KCTD19: variants seen among roughly 807,000 people sequenced by gnomAD.
The protein encoded by KCTD19 is BTB/POZ domain-containing protein KCTD19.
In KCTD19, 67 loss-of-function variants were observed where a neutral mutation model predicts 103.5. That is an observed-to-expected ratio of 0.65 (90% CI 0.53 to 0.79). KCTD19 has a LOEUF of 0.79. KCTD19 is among the 30% of genes least tolerant of loss of function. The pLI, the probability that KCTD19 is intolerant of heterozygous loss-of-function variation, is 0.00. For missense variants in KCTD19, 980 were observed against 1,136.1 expected, an observed-to-expected ratio of 0.86 and a Z score of 1.98; for synonymous variants, 439 against 452.2, an observed-to-expected ratio of 0.97 and a Z score of 0.37.
At chr16:67,295,515 A>G in intron 8 of KCTD19, 110 bp from the exon 9 acceptor site, 2 of 1,036,096 alleles carry the variant, frequency 1.9e-6, no homozygotes, top group South Asian at 3.5e-5. Context: ...AGAGGCTTTG[A>G]GATTCCATTT....
At position 67,295,026 on chromosome 16, in the gene KCTD19, C is replaced by T. The variant is rs952786515; in HGVS notation, c.1422G>A (p.Glu474=). 1.2e-6 allele frequency: 2 copies of T among 1,613,946 alleles called. No homozygotes were observed. The highest frequency in any genetic ancestry group is 1.3e-5 in the African/African-American group (1 of 74,914). The change falls in exon 10 of 16, where the codon GAG becomes GAA. Residue 474 remains glutamate (E), a synonymous_variant. Transcript: ENST00000304372. ...CTGAGAGGGATGGAATGTGGTATTC[C>T]TCCACCTCCTGGCAGAAGAGGGGCC... The part of the protein sequence containing the change: ...KEWPLFCQEV[E]EYHIPSLSEA...
intron 2 of KCTD19, among the ~76,000 whole-genome samples, chr16:67,314,453 C>A (rs184394229): frequency 1.6e-4 from 25 of 152,208 alleles, no homozygotes; most frequent in Admixed American, 4.6e-4. Flanking sequence ...CTCACTCACC[C>A]ATCCTTCCTA....
rs764527426 is a variant in KCTD19, at chr16:67,291,479, A to G, written c.2411-16T>C. 2 of 1,611,750 alleles carry G rather than the reference A, an allele frequency of 1.2e-6. No individual in the cohort carries two copies. The highest frequency in any genetic ancestry group is 4.5e-5 in the East Asian group (2 of 44,894). ...AAAGTCACTTCTGTGGAGGAGGGAA[A>G]GTGGATGTGGCCACATCTGTCAATA... On this transcript the variant is annotated splice_polypyrimidine_tract_variant and intron_variant, in intron 13 of 15. Transcript: ENST00000304372.
chr16:67,302,057 C>G, intron 4 of KCTD19, 135 bp from the exon 5 acceptor site: 1 of 750,128 alleles, frequency 1.3e-6, no homozygotes, highest in African/African-American at 1.7e-5. Context: ...ATCAACATAC[C>G]TTATTAGATT....
At chr16:67,313,052 A>G (rs2036964958) in intron 2 of KCTD19, among the ~76,000 whole-genome samples, 1 of 152,150 alleles carries the variant, frequency 6.6e-6, no homozygotes, top group Admixed American at 6.5e-5. Context: ...TAGACAACAC[A>G]TAAACAAATG....
chr16:67,296,432 A>G (rs2036766008), intron 7 of KCTD19, among the ~76,000 whole-genome samples, 173 bp from the exon 8 acceptor site: 1 of 152,104 alleles, frequency 6.6e-6, no homozygotes, highest in Non-Finnish European at 1.5e-5. Context: ...TGCTTGCTGC[A>G]AGGTTTCCTG....
intron 2 of KCTD19, among the ~76,000 whole-genome samples, chr16:67,315,033 T>C (rs890681221): frequency 6.6e-6 from 1 of 151,986 alleles, no homozygotes; most frequent in Non-Finnish European, 1.5e-5. Context: ...ATTTCTTTTT[T>C]AATTTTTTGT....
At chr16:67,325,182 CT>C (rs1215763795) in intron 1 of KCTD19, among the ~76,000 whole-genome samples, 1 of 146,034 alleles carries the variant, frequency 6.8e-6, no homozygotes, top group Non-Finnish European at 1.5e-5. Context: ...TTCTTTCTTT[CT>C]TTTTTTTCTT....
chr16:67,298,720 G>A (rs2036797569), intron 6 of KCTD19, among the ~76,000 whole-genome samples: 1 of 152,174 alleles, frequency 6.6e-6, no homozygotes, highest in Admixed American at 6.5e-5. Flanking sequence ...TCTCCCAGGG[G>A]CTCCAGAAAA....
intron 15 of KCTD19, among the ~76,000 whole-genome samples, chr16:67,290,533 C>T (rs2036673731): frequency 6.6e-6 from 1 of 152,170 alleles, no homozygotes; most frequent in Non-Finnish European, 1.5e-5. Context: ...TTGGTGACAT[C>T]GTGGCCAGAT....
chr16:67,313,232 C>T (rs938364606), intron 2 of KCTD19, among the ~76,000 whole-genome samples: 2 of 151,950 alleles, frequency 1.3e-5, no homozygotes, highest in African/African-American at 2.4e-5. Context: ...ATCTCAGCCT[C>T]CCCGAGTAGC....
intron 2 of KCTD19, among the ~76,000 whole-genome samples, chr16:67,311,642 C>T (rs9923652): frequency 0.045 from 6,818 of 152,018 alleles, 504 homozygotes; most frequent in African/African-American, 0.16. Flanking sequence ...GAAGAGGAAA[C>T]GGCAAGTGAA....
chr16:67,293,260 C>T lies in KCTD19; in HGVS notation c.2218+284G>A, dbSNP rs1359430625. Among the ~76,000 whole-genome samples the T allele has an allele frequency of 6.6e-6, 1 of 152,178 alleles. No individual in the cohort carries two copies. Among genetic ancestry groups the T allele is most frequent in the African/African-American group, 2.4e-5 (1 of 41,452 alleles). ...CGCTTCCAAACATCCTGGACTTCTC[C>T]TTCCTTCCCCTGCTGACTCCCCAGC... On this transcript the variant is annotated intron_variant, in intron 12 of 15. Transcript: ENST00000304372. This position sits in a 1 kb window ranked among gnomAD's most constrained non-coding sequence, Gnocchi z 4.0.
chr16:67,325,207 C>CTTTTTTTTTTTT (rs10695930), intron 1 of KCTD19, among the ~76,000 whole-genome samples: 2 of 113,172 alleles, frequency 1.8e-5, no homozygotes, highest in African/African-American at 7.8e-5. Context: ...TTCTTTTTTT[C>CTTTTTTTTTTTT]TTTTTTTTTT....
At chr16:67,310,852 C>T (rs910778767) in intron 2 of KCTD19, among the ~76,000 whole-genome samples, 4 of 152,152 alleles carry the variant, frequency 2.6e-5, no homozygotes, top group Admixed American at 6.5e-5. Context: ...CCTTGACTGC[C>T]TTGTAAAGAC....
chr16:67,311,759 ATG>A (rs2036951890), intron 2 of KCTD19, among the ~76,000 whole-genome samples: 1 of 151,960 alleles, frequency 6.6e-6, no homozygotes, highest in South Asian at 2.1e-4. Flanking sequence ...CCTTGCCTGC[ATG>A]TAGGTGTGTG....
At chr16:67,321,044 G>A (rs1255238403) in intron 1 of KCTD19, among the ~76,000 whole-genome samples, 159 bp from the exon 2 acceptor site, 1 of 152,178 alleles carries the variant, frequency 6.6e-6, no homozygotes, top group Non-Finnish European at 1.5e-5. Flanking sequence ...AATAAGTCCA[G>A]GCCAGGCATG....
Position 67,303,333 on chromosome 16 carries a change from T to C in KCTD19, c.456A>G (p.Leu152=). 6.2e-7 allele frequency: 1 copy of C among 1,610,834 alleles called. No individual in the cohort carries two copies. The highest frequency in any genetic ancestry group is 8.5e-7 in the Non-Finnish European group (1 of 1,178,066). The part of the protein sequence containing the change: ...FPIKSPAFTG[L]HDKAPLGLMD... ...TGAGCCCCAGAGGTGCCTTATCATG[T>C]AGGCCTGGAAGAGAACATGCAGGCA... is the stretch of plus-strand genomic sequence containing the variant. Residue 152 remains leucine (L), a synonymous_variant, in exon 4 of 16, where the codon CTA becomes CTG. Transcript: ENST00000304372. The surrounding 1 kb of genome is among the most constrained non-coding windows in gnomAD (Gnocchi z 4.3).
chr16:67,314,822 TATATATATAGAGAG>T (rs1388785639), intron 2 of KCTD19, among the ~76,000 whole-genome samples: 854 of 70,372 alleles, frequency 0.012, 5 homozygotes, highest in Non-Finnish European at 0.017. Context: ...TATATATATA[TATATATATAGAGAG>T]AGAGAGAGAG....
Sources: allele counts gnomAD v4.1 joint callset (sites outside exome capture counted in the v4.1 genomes callset), GRCh38; gene constraint gnomAD v4.1.1; non-coding constraint Gnocchi (gnomAD v3.1); transcripts MANE v1.5; gene names NCBI Gene and HGNC (gene_info 2026-07-23, HGNC 2026-07-21).